ADAM12: variants seen among roughly 807,000 people sequenced by gnomAD.
ADAM12 encodes disintegrin and metalloproteinase domain-containing protein 12.
Under a neutral mutation model 106.4 loss-of-function variants are expected in ADAM12, and 70 were observed. That is an observed-to-expected ratio of 0.66 (90% CI 0.54 to 0.80). The LOEUF is 0.80. Ranked by LOEUF, ADAM12 falls within the 30% of genes least tolerant of loss-of-function variation. The probability of loss-of-function intolerance (pLI) is 0.00; values close to 1 mark genes in which losing one functional copy is unlikely to be tolerated. For missense variants in ADAM12, 1,010 were observed against 1,171.9 expected (o/e 0.86, Z 2.02); for synonymous variants, 420 against 433.5 (o/e 0.97, Z 0.39).
chr10:126,370,428 T>C (rs368063393), intron 1 of ADAM12, among the ~76,000 whole-genome samples: 2 of 152,214 alleles, frequency 1.3e-5, no homozygotes, highest in African/African-American at 2.4e-5. Flanking sequence ...GAAGATAGTA[T>C]ACTTAATTAT....
chr10:126,116,941 A>G (rs1033897088), intron 6 of ADAM12, among the ~76,000 whole-genome samples: 14 of 152,170 alleles, frequency 9.2e-5, no homozygotes, highest in African/African-American at 3.4e-4. Flanking sequence ...ATTGAGTGCT[A>G]AGCAGTGGTC....
intron 5 of ADAM12, among the ~76,000 whole-genome samples, chr10:126,132,069 G>A (rs7070961): frequency 0.064 from 9,690 of 151,580 alleles, 673 homozygotes; most frequent in African/African-American, 0.17. Flanking sequence ...CCCGCCTCCC[G>A]GGTTCAAGCA....
At chr10:126,167,821 A>G (rs1332999856) in intron 3 of ADAM12, among the ~76,000 whole-genome samples, 1 of 152,190 alleles carries the variant, frequency 6.6e-6, no homozygotes, top group East Asian at 1.9e-4. Context: ...GACACGTGAC[A>G]ACTGGTGAGT....
At chr10:126,356,630 A>C (rs1855551478) in intron 1 of ADAM12, among the ~76,000 whole-genome samples, 2 of 152,258 alleles carry the variant, frequency 1.3e-5, no homozygotes, top group South Asian at 2.1e-4. Context: ...GCAAAACTGC[A>C]AAAATGAACC....
intron 1 of ADAM12, among the ~76,000 whole-genome samples, chr10:126,341,517 T>G (rs1854932095): frequency 3.9e-5 from 6 of 152,230 alleles, no homozygotes. Context: ...CAAATCCACA[T>G]GAGCCTTATT....
intron 2 of ADAM12, among the ~76,000 whole-genome samples, chr10:126,307,790 G>A (rs1362591714): frequency 3.9e-5 from 6 of 152,002 alleles, no homozygotes; most frequent in East Asian, 1.9e-4. Context: ...ACAGAGTTTC[G>A]CCATGTTAGC....
At chr10:126,349,703 T>C (rs1364484790) in intron 1 of ADAM12, among the ~76,000 whole-genome samples, 1 of 152,230 alleles carries the variant, frequency 6.6e-6, no homozygotes, top group Non-Finnish European at 1.5e-5. Flanking sequence ...GCAACTCCTA[T>C]TTTGATGAAC....
At chr10:126,097,771 A>G (rs947686846) in intron 10 of ADAM12, among the ~76,000 whole-genome samples, 6 of 152,198 alleles carry the variant, frequency 3.9e-5, no homozygotes, top group African/African-American at 1.4e-4. Context: ...TGGCAAGCCT[A>G]TCAAAGCTAC....
chr10:126,292,651 A>C (rs112363789), intron 2 of ADAM12, among the ~76,000 whole-genome samples: 8,202 of 152,246 alleles, frequency 0.054, 665 homozygotes, highest in African/African-American at 0.18. Flanking sequence ...ACAGATAATA[A>C]ATACATTAAG....
chr10:126,188,767 TTATCCATCCATC>T (rs995733228), intron 3 of ADAM12, among the ~76,000 whole-genome samples: 1 of 152,164 alleles, frequency 6.6e-6, no homozygotes, highest in African/African-American at 2.4e-5. Flanking sequence ...ATTTATCCAT[TTATCCATCCATC>T]TATCCATCAT....
chr10:126,141,190 C>G, intron 4 of ADAM12, among the ~76,000 whole-genome samples: 1 of 152,244 alleles, frequency 6.6e-6, no homozygotes, highest in South Asian at 2.1e-4. Flanking sequence ...CACTGCATGG[C>G]CCTTACCAGC....
intron 1 of ADAM12, 27 bp from the exon 2 acceptor site, chr10:126,330,536 A>G (rs772766009): frequency 2.6e-5 from 41 of 1,589,166 alleles, no homozygotes; most frequent in Non-Finnish European, 2.6e-6. Flanking sequence ...ACAGCCCTAT[A>G]TTTCACTCTA....
rs1455392985 is a variant in ADAM12, at chr10:126,295,532, T to TACACACACACACACATAC, written c.187-16562_187-16545dup. Reference sequence around the variant, plus strand: ...AAACCATAACATCTTACCACAAAAATACACACACACACACATACACACACA... The same window carrying TACACACACACACACATAC: ...AAACCATAACATCTTACCACAAAAATACACACACACACACATACACACACACACACACATACACACACA... On this transcript the variant is annotated intron_variant, in intron 2 of 22. Transcript: ENST00000448723. Among the ~76,000 whole-genome samples the TACACACACACACACATAC allele has an allele frequency of 7.5e-5, 11 of 147,650 alleles. No homozygotes were observed. The South Asian group carries it at 8.6e-4, about 11-fold the overall frequency.
intron 1 of ADAM12, among the ~76,000 whole-genome samples, chr10:126,340,154 C>T (rs1449366878): frequency 2.0e-5 from 3 of 152,114 alleles, no homozygotes; most frequent in East Asian, 1.9e-4. Flanking sequence ...TGCCCAGCCC[C>T]GTTCTAGGGC....
At chr10:126,253,129 A>G (rs922105840) in intron 3 of ADAM12, among the ~76,000 whole-genome samples, 1 of 152,082 alleles carries the variant, frequency 6.6e-6, no homozygotes, top group Non-Finnish European at 1.5e-5. Flanking sequence ...CTTAGCACTC[A>G]CTGATTTGAA....
chr10:126,351,918 C>T (rs1486422564), intron 1 of ADAM12, among the ~76,000 whole-genome samples: 1 of 152,086 alleles, frequency 6.6e-6, no homozygotes, highest in Admixed American at 6.6e-5. Flanking sequence ...AAAGTACTCT[C>T]GGGTCACTAT....
chr10:126,043,829 G>A lies in ADAM12; in HGVS notation c.1996-681C>T, dbSNP rs114990249. ...GGCTCCCAGTCACGCACCAGGGTGCGAATCCAACAGTGGATTCTTTTCATT... is the reference window on the plus strand; with the variant it reads ...GGCTCCCAGTCACGCACCAGGGTGCAAATCCAACAGTGGATTCTTTTCATT... On this transcript the variant is annotated intron_variant, in intron 17 of 22. Transcript: ENST00000448723. This position sits in a 1 kb window ranked among gnomAD's most constrained non-coding sequence, Gnocchi z 4.1. Among the ~76,000 whole-genome samples the A allele has an allele frequency of 6.5e-3, 995 of 152,314 alleles. 10 individuals are homozygous for A. Among genetic ancestry groups the A allele is most frequent in the African/African-American group, 0.023 (943 of 41,576 alleles).
At chr10:126,369,709 C>T (rs994703011) in intron 1 of ADAM12, among the ~76,000 whole-genome samples, 2 of 152,194 alleles carry the variant, frequency 1.3e-5, no homozygotes, top group Non-Finnish European at 1.5e-5. Flanking sequence ...AAAACAGACG[C>T]TTTCACCTGT....
intron 18 of ADAM12, among the ~76,000 whole-genome samples, chr10:126,042,567 C>T (rs1360509341): frequency 6.6e-6 from 1 of 152,186 alleles, no homozygotes; most frequent in Non-Finnish European, 1.5e-5. Flanking sequence ...CACCTGCACA[C>T]ATCATTCCAT....
Sources: gnomAD v4.1 joint callset for allele counts (sites outside exome capture counted in the v4.1 genomes callset) on GRCh38, gnomAD v4.1.1 for gene constraint, Gnocchi (gnomAD v3.1) non-coding constraint, MANE v1.5 for transcripts, NCBI Gene and HGNC (gene_info 2026-07-23, HGNC 2026-07-21) for gene names.